SOS2: variants seen among roughly 807,000 people sequenced by gnomAD.
SOS2 encodes the protein SOS Ras/Rho guanine nucleotide exchange factor 2, also known as son of sevenless homolog 2.
In SOS2, 65 loss-of-function variants were observed where a neutral mutation model predicts 148.2. The observed-to-expected ratio is 0.44, with a 90% confidence interval of 0.36 to 0.54. The LOEUF (loss-of-function observed/expected upper bound fraction) is 0.54, where lower values mean the gene tolerates loss of function less well. SOS2 is among the 20% of genes least tolerant of loss of function. SOS2 has a pLI of 0.00. For synonymous variants in SOS2, 539 were observed against 537.1 expected (o/e 1.00, Z -0.05); for missense variants, 1,341 against 1,590.2 (o/e 0.84, Z 2.67).
Position 50,118,242 on chromosome 14 carries a change from T to C in SOS2, c.*102A>G. The C allele has an allele frequency of 1.0e-6, 1 of 972,600 alleles. No individual in the cohort carries two copies. The highest frequency in any genetic ancestry group is 1.5e-6 in the Non-Finnish European group (1 of 658,382). The allele number at this position is 972,600 out of a possible 1,614,324, so 60.2% of individuals were successfully genotyped here. A position where few individuals can be genotyped will look rare whatever the true frequency, so the allele number is the denominator to read the frequency against. ...GATCAGTAGCATTTTTGTAAGAGCA[T>C]TATTTGTAAAAAGTACTAAAATACT... On this transcript the variant is annotated 3_prime_UTR_variant, in exon 23 of 23. Coordinates refer to ENST00000216373, the MANE Select transcript of SOS2 (RefSeq NM_006939.4).
intron 18 of SOS2, among the ~76,000 whole-genome samples, chr14:50,136,678 C>T (rs961536437): frequency 2.6e-5 from 4 of 151,052 alleles, no homozygotes; most frequent in Non-Finnish European, 5.9e-5. Context: ...CAACATTTGC[C>T]TTCTGGGTCC....
chr14:50,118,870 AT>A lies in SOS2; in HGVS notation c.3490-18del, dbSNP rs1302818165. On this transcript the variant is annotated intron_variant, in intron 22 of 22. Transcript: ENST00000216373. ...CATATTTCCCTCAAAAAAAAAAGTAATTAAATTATACCTCTATTCTGAAAAA... is the reference window on the plus strand; with the variant it reads ...CATATTTCCCTCAAAAAAAAAAGTAATAAATTATACCTCTATTCTGAAAAA... 2 of 1,415,614 alleles carry A rather than the reference AT, an allele frequency of 1.4e-6. No individual in the cohort carries two copies. Among genetic ancestry groups the A allele is most frequent in the African/African-American group, 1.4e-5 (1 of 69,648 alleles). The allele number at this position is 1,415,614 out of a possible 1,614,324, so 87.7% of individuals were successfully genotyped here. A position where few individuals can be genotyped will look rare whatever the true frequency, so the allele number is the denominator to read the frequency against.
chr14:50,119,105 T>G (rs1023536551), intron 22 of SOS2, among the ~76,000 whole-genome samples: 2 of 152,136 alleles, frequency 1.3e-5, no homozygotes, highest in Non-Finnish European at 2.9e-5. Flanking sequence ...TTTCAGAAAT[T>G]TATGTATTTT....
intron 1 of SOS2, among the ~76,000 whole-genome samples, chr14:50,218,369 A>T (rs1288784044): frequency 3.3e-5 from 5 of 151,804 alleles, no homozygotes; most frequent in Admixed American, 2.6e-4. Flanking sequence ...CTAAAAATAC[A>T]AAAATTAGCA....
At chr14:50,229,581 G>A (rs1566490236) in intron 1 of SOS2, among the ~76,000 whole-genome samples, 1 of 152,032 alleles carries the variant, frequency 6.6e-6, no homozygotes, top group Non-Finnish European at 1.5e-5. Context: ...GGCAGAGGTG[G>A]GCGGACTGCT....
intron 17 of SOS2, among the ~76,000 whole-genome samples, chr14:50,139,253 A>G (rs1249201976): frequency 6.6e-6 from 1 of 151,338 alleles, no homozygotes; most frequent in Non-Finnish European, 1.5e-5. Context: ...TTAGATAGAA[A>G]AATAATTACT....
At chr14:50,157,458 G>A (rs1396070172) in intron 11 of SOS2, among the ~76,000 whole-genome samples, 1 of 152,084 alleles carries the variant, frequency 6.6e-6, no homozygotes, top group Non-Finnish European at 1.5e-5. Flanking sequence ...TTATTAAAAT[G>A]AAAGTAGGCT....
intron 1 of SOS2, among the ~76,000 whole-genome samples, chr14:50,229,687 G>C (rs1320545107): frequency 6.6e-6 from 1 of 152,078 alleles, no homozygotes; most frequent in Admixed American, 6.6e-5. Flanking sequence ...GGACATAAAG[G>C]ATTATTAGAA....
intron 1 of SOS2, among the ~76,000 whole-genome samples, chr14:50,225,717 A>C (rs987084704): frequency 6.6e-6 from 1 of 152,184 alleles, no homozygotes; most frequent in Non-Finnish European, 1.5e-5. Context: ...CATGTCACAA[A>C]AATCACAGGA....
At chr14:50,217,053 G>A (rs1290667396) in intron 1 of SOS2, among the ~76,000 whole-genome samples, 1 of 152,142 alleles carries the variant, frequency 6.6e-6, no homozygotes, top group African/African-American at 2.4e-5. Flanking sequence ...TGATTTCAAG[G>A]ATTTCTATAA....
At chr14:50,223,413 C>T (rs1056436323) in intron 1 of SOS2, among the ~76,000 whole-genome samples, 91 of 151,896 alleles carry the variant, frequency 6.0e-4, no homozygotes, top group Middle Eastern at 3.4e-3. Context: ...GGTGGCTCAT[C>T]CCTGTAATCC....
At chr14:50,180,142 T>C (rs1885682942) in intron 7 of SOS2, among the ~76,000 whole-genome samples, 1 of 151,644 alleles carries the variant, frequency 6.6e-6, no homozygotes, top group Non-Finnish European at 1.5e-5. Context: ...TAGCTGGGAT[T>C]ACAGGAGCTC....
At chr14:50,230,796 A>C in intron 1 of SOS2, 4 of 651,724 alleles carry the variant, frequency 6.1e-6, no homozygotes, top group Non-Finnish European at 7.6e-6. Flanking sequence ...CAAACCGCCT[A>C]GGGGGAACAC....
chr14:50,148,000 A>G (rs1884544314), intron 14 of SOS2, among the ~76,000 whole-genome samples: 1 of 152,170 alleles, frequency 6.6e-6, no homozygotes, highest in Non-Finnish European at 1.5e-5. Context: ...TCAATGGCCT[A>G]CAGACTTGGT....
chr14:50,204,688 A>G (rs2139797340), intron 1 of SOS2, among the ~76,000 whole-genome samples: 1 of 152,300 alleles, frequency 6.6e-6, no homozygotes, highest in Middle Eastern at 3.4e-3. Flanking sequence ...ACTATTCTAT[A>G]CAATTTCAGA....
intron 5 of SOS2, among the ~76,000 whole-genome samples, chr14:50,187,345 C>CTTTT (rs5808541): frequency 4.3e-5 from 5 of 115,152 alleles, no homozygotes; most frequent in Non-Finnish European, 7.1e-5. Context: ...ATTATTGTTA[C>CTTTT]TTTTTTTTTT....
intron 8 of SOS2, among the ~76,000 whole-genome samples, chr14:50,166,652 T>C (rs1392259398): frequency 1.3e-5 from 2 of 152,202 alleles, no homozygotes; most frequent in African/African-American, 4.8e-5. Context: ...GTAAGTTTTT[T>C]CTTAACTCTG....
intron 14 of SOS2, among the ~76,000 whole-genome samples, chr14:50,148,356 G>C (rs1884558776): frequency 6.7e-6 from 1 of 150,272 alleles, no homozygotes; most frequent in Non-Finnish European, 1.5e-5. Flanking sequence ...GTTGCAGTGA[G>C]CCGAGATTGC....
intron 21 of SOS2, among the ~76,000 whole-genome samples, chr14:50,128,055 T>A (rs772407139): frequency 2.0e-5 from 3 of 152,212 alleles, no homozygotes; most frequent in Non-Finnish European, 4.4e-5. Flanking sequence ...TTAAGTCATA[T>A]GTATTATCTT....
Sources: allele counts gnomAD v4.1 joint callset (sites outside exome capture counted in the v4.1 genomes callset), GRCh38; gene constraint gnomAD v4.1.1; transcripts MANE v1.5; gene names NCBI Gene and HGNC (gene_info 2026-07-23, HGNC 2026-07-21).